Variants in IRAG2 observed in about 807,000 individuals in gnomAD.
IRAG2 encodes the protein inositol 1,4,5-triphosphate receptor associated 2, also known as lymphoid restricted membrane protein.
IRAG2 carries 45 observed loss-of-function variants against 69.9 expected under a neutral mutation model. The ratio of observed to expected loss-of-function variants is 0.64; its 90% CI spans 0.51 to 0.83. The LOEUF is 0.83. IRAG2 is among the 40% of genes least tolerant of loss of function. IRAG2 has a pLI of 0.00. For synonymous variants in IRAG2, 193 were observed against 202.4 expected (o/e 0.95, Z 0.40); for missense variants, 520 against 587.0 (o/e 0.89, Z 1.18).
chr12:25,038,135 C>T (rs917533090), exon 16 of IRAG2: 8 of 398,482 alleles, frequency 2.0e-5, no homozygotes, highest in Non-Finnish European at 3.5e-5. Flanking sequence ...AATTTCTTGC[C>T]AGGTGATGAT....
chr12:25,006,862 A>C (rs1258252482), intron 2 of IRAG2, among the ~76,000 whole-genome samples: 1 of 150,904 alleles, frequency 6.6e-6, no homozygotes, highest in Non-Finnish European at 1.5e-5. Context: ...TGAACCTAAA[A>C]GTTGAGAGAA....
intron 19 of IRAG2, 105 bp from the exon 20 acceptor site, chr12:25,104,252 AAAAT>A: frequency 1.1e-6 from 1 of 892,250 alleles, no homozygotes; most frequent in Non-Finnish European, 1.8e-6. Context: ...TGCCAAGAAA[AAAAT>A]AATTAGGACA....
intron 3 of IRAG2, among the ~76,000 whole-genome samples, 199 bp from the exon 4 acceptor site, chr12:25,063,521 A>T (rs79590573): frequency 0.013 from 2,000 of 152,360 alleles, 35 homozygotes; most frequent in African/African-American, 0.045. Flanking sequence ...AATAAGAATC[A>T]TAAGTTACTC....
chr12:25,023,539 G>T (rs533556927), intron 7 of IRAG2, among the ~76,000 whole-genome samples: 1 of 152,084 alleles, frequency 6.6e-6, no homozygotes, highest in Non-Finnish European at 1.5e-5. Context: ...TGATTTCAAG[G>T]TGCTATTTAA....
At chr12:25,022,993 G>A (rs541521833) in intron 7 of IRAG2, among the ~76,000 whole-genome samples, 1 of 152,244 alleles carries the variant, frequency 6.6e-6, no homozygotes, top group Non-Finnish European at 1.5e-5. Context: ...AGGTGTGGTG[G>A]CAAGTGCCTG....
chr12:25,069,842 G>A (rs1420759733), intron 6 of IRAG2, among the ~76,000 whole-genome samples: 1 of 152,210 alleles, frequency 6.6e-6, no homozygotes, highest in African/African-American at 2.4e-5. Flanking sequence ...CTTTGTCAAA[G>A]ACCACAAAGC....
At chr12:25,013,033 T>G (rs967232440) in intron 3 of IRAG2, among the ~76,000 whole-genome samples, 4 of 152,194 alleles carry the variant, frequency 2.6e-5, no homozygotes, top group Admixed American at 6.5e-5. Context: ...ACCCATGAGT[T>G]TAACAAAGAT....
chr12:25,023,058 G>C (rs1051210113), intron 7 of IRAG2, among the ~76,000 whole-genome samples: 3 of 151,686 alleles, frequency 2.0e-5, no homozygotes, highest in Non-Finnish European at 4.4e-5. Flanking sequence ...CCCGGGAGGT[G>C]GAGGTTGCAG....
At chr12:25,065,757 C>A (rs1252409041) in intron 4 of IRAG2, among the ~76,000 whole-genome samples, 1 of 152,226 alleles carries the variant, frequency 6.6e-6, no homozygotes, top group Non-Finnish European at 1.5e-5. Context: ...GCAGCCTCAA[C>A]CTCTTGGGCT....
At chr12:25,073,504 C>T (rs1281035563) in intron 6 of IRAG2, among the ~76,000 whole-genome samples, 1 of 152,120 alleles carries the variant, frequency 6.6e-6, no homozygotes, top group East Asian at 1.9e-4. Flanking sequence ...CTGTTCCTTC[C>T]CCATATTCAC....
At chr12:25,104,506 G>A (rs757567674) in intron 20 of IRAG2, 44 bp downstream of exon 20, 2 of 1,053,796 alleles carry the variant, frequency 1.9e-6, no homozygotes, top group Non-Finnish European at 1.5e-6. Flanking sequence ...ATGAACTGGG[G>A]CATAAACAAT....
chr12:25,072,526 A>G (rs1946404936), intron 6 of IRAG2, among the ~76,000 whole-genome samples: 1 of 152,246 alleles, frequency 6.6e-6, no homozygotes, highest in African/African-American at 2.4e-5. Context: ...GAAAATAGAA[A>G]GCTCTCCTTA....
At chr12:25,030,381 T>G in intron 10 of IRAG2, 56 of 1,158,560 alleles carry the variant, frequency 4.8e-5, no homozygotes, top group Non-Finnish European at 5.5e-5. Flanking sequence ...TGGCTAGCTC[T>G]CTCCAAATCT....
At chr12:25,073,771 T>G (rs112241642) in intron 6 of IRAG2, among the ~76,000 whole-genome samples, 5 of 152,342 alleles carry the variant, frequency 3.3e-5, no homozygotes, top group African/African-American at 1.2e-4. Context: ...ACAAATTATT[T>G]CCAGTCCTTA....
chr12:25,096,426 A>G (rs1427325311), intron 14 of IRAG2, among the ~76,000 whole-genome samples: 1 of 152,216 alleles, frequency 6.6e-6, no homozygotes, highest in Non-Finnish European at 1.5e-5. Flanking sequence ...ATATTGTGTA[A>G]AGGGCACAGG....
chr12:25,030,138 G>T, intron 9 of IRAG2: 1 of 472,356 alleles, frequency 2.1e-6, no homozygotes, highest in Non-Finnish European at 3.3e-6. Context: ...TCTAGAGTTG[G>T]AAGGGAAAGT....
Position 25,090,212 on chromosome 12 carries a change from AT to A in IRAG2, c.606+18del, listed in dbSNP as rs753873547. The A allele has an allele frequency of 1.9e-6, 3 of 1,611,524 alleles. No homozygotes were observed. The highest frequency in any genetic ancestry group is 2.5e-6 in the Non-Finnish European group (3 of 1,178,408). ...AACTATTAGAGGTGAGAATCAGAAC[AT>A]TTGGGATATAAACATTTGGTCTAGC... On this transcript the variant is annotated intron_variant, in intron 14 of 21. Transcript: ENST00000556887.
At chr12:25,062,758 T>TG (rs935506105) in intron 2 of IRAG2, 62 bp from the exon 3 acceptor site, 15 of 398,510 alleles carry the variant, frequency 3.8e-5, no homozygotes, top group African/African-American at 8.2e-5. Flanking sequence ...CTAATGTGTT[T>TG]GGGATCTTTG....
At position 25,080,514 on chromosome 12, in the gene IRAG2, T is replaced by G. The variant is rs192917869; in HGVS notation, c.244+751T>G. ...CTACAGGTGCCCGCCACCACGCCCATCTAATTTTTTTGTATTTTTAGTAGA... is the reference window on the plus strand; with the variant it reads ...CTACAGGTGCCCGCCACCACGCCCAGCTAATTTTTTTGTATTTTTAGTAGA... On this transcript the variant is annotated intron_variant, in intron 9 of 21. Coordinates refer to ENST00000556887, the MANE Select transcript of IRAG2 (RefSeq NM_001366544.2). 1.7e-3 allele frequency among the ~76,000 whole-genome samples: 261 copies of G among 152,044 alleles called. 1 individual carries two copies. Among genetic ancestry groups the G allele is most frequent in the East Asian group, 2.5e-3 (13 of 5,158 alleles).
Sources: allele counts gnomAD v4.1 joint callset (sites outside exome capture counted in the v4.1 genomes callset), GRCh38; gene constraint gnomAD v4.1.1; transcripts MANE v1.5; gene names NCBI Gene and HGNC (gene_info 2026-07-23, HGNC 2026-07-21).